NCAM1: variants seen among roughly 807,000 people sequenced by gnomAD.
NCAM1 encodes the protein antigen recognized by monoclonal antibody 5.1H11.
NCAM1 carries 14 observed loss-of-function variants against 109.8 expected under a neutral mutation model. That is an observed-to-expected ratio of 0.13 (90% CI 0.08 to 0.20). The LOEUF is 0.20. Ranked by LOEUF, NCAM1 falls within the 10% of genes least tolerant of loss-of-function variation. The probability of loss-of-function intolerance (pLI) is 1.00; values close to 1 mark genes in which losing one functional copy is unlikely to be tolerated. For synonymous variants in NCAM1, 418 were observed against 442.9 expected (o/e 0.94, Z 0.70); for missense variants, 774 against 1,109.9 (o/e 0.70, Z 4.30).
rs1205992112 is a variant in NCAM1, at chr11:113,141,802, G to A, written c.53-60577G>A. On this transcript the variant is annotated intron_variant, in intron 1 of 19. Transcript: ENST00000316851. The stretch of plus-strand genomic sequence containing the variant: ...CCCTGCTTTAGTGATCTCTCCTCTC[G>A]TATATCAGTTGTCTGCAATTTTTTT... 3.9e-5 allele frequency among the ~76,000 whole-genome samples: 6 copies of A among 152,020 alleles called. No homozygotes were observed. In the East Asian group the frequency reaches 1.2e-3, roughly 29 times the overall value.
rs1481210173 is a variant in NCAM1 at position 112,962,444 on chromosome 11, G to C, written c.52+780G>C. ...GTGATTGGGGCTGCCTGGTGTGTGC[G>C]CGCGCGTGTGCGCGCGTGTGTCTTT... On this transcript the variant is annotated intron_variant, in intron 1 of 19. Transcript: ENST00000316851. This position sits in a 1 kb window ranked among gnomAD's most constrained non-coding sequence, Gnocchi z 5.6. 6.6e-6 allele frequency among the ~76,000 whole-genome samples: 1 copy of C among 151,800 alleles called. No homozygotes were observed. Among genetic ancestry groups the C allele is most frequent in the Non-Finnish European group, 1.5e-5 (1 of 67,908 alleles).
At chr11:113,087,788 T>C (rs1341918925) in intron 1 of NCAM1, among the ~76,000 whole-genome samples, 1 of 152,194 alleles carries the variant, frequency 6.6e-6, no homozygotes, top group Non-Finnish European at 1.5e-5. Flanking sequence ...CTTTTGGCCT[T>C]TTCAGAGAAA....
chr11:113,185,068 T>TTATATATATA lies in NCAM1; in HGVS notation c.53-17308_53-17299dup, dbSNP rs148340673. ...TATGTGTATGTGTGTGCATTTATAT[T>TTATATATATA]TATATATATATAGAGAGAGAGAGAG... On this transcript the variant is annotated intron_variant, in intron 1 of 19. Coordinates refer to ENST00000316851, the MANE Select transcript of NCAM1 (RefSeq NM_181351.5). Among the ~76,000 whole-genome samples, 320 of 99,610 alleles carry TTATATATATA rather than the reference T, an allele frequency of 3.2e-3. 5 individuals carry two copies. Among genetic ancestry groups the TTATATATATA allele is most frequent in the African/African-American group, 0.012 (286 of 24,018 alleles). The allele number at this position is 99,610 out of a possible 152,430, so 65.3% of individuals were successfully genotyped here.
At chr11:113,059,172 G>A (rs1565411372) in intron 1 of NCAM1, among the ~76,000 whole-genome samples, 1 of 152,174 alleles carries the variant, frequency 6.6e-6, no homozygotes, top group South Asian at 2.1e-4. Context: ...GGCCTCGGTT[G>A]CTTTCTTAGT....
At chr11:112,991,643 A>C (rs1485183667) in intron 1 of NCAM1, among the ~76,000 whole-genome samples, 1 of 152,194 alleles carries the variant, frequency 6.6e-6, no homozygotes, top group Non-Finnish European at 1.5e-5. Flanking sequence ...ATAGCTACTC[A>C]TTGTTCTGGG....
At chr11:113,021,243 A>G (rs1321110336) in intron 1 of NCAM1, among the ~76,000 whole-genome samples, 1 of 152,208 alleles carries the variant, frequency 6.6e-6, no homozygotes, top group African/African-American at 2.4e-5. Context: ...CATCACTGCA[A>G]AGGATCATGA....
At chr11:113,238,557 C>T (rs1945239318) in intron 14 of NCAM1, among the ~76,000 whole-genome samples, 1 of 152,134 alleles carries the variant, frequency 6.6e-6, no homozygotes, top group Non-Finnish European at 1.5e-5. Context: ...ATGACAAACC[C>T]ACCCTTTTGC....
intron 1 of NCAM1, among the ~76,000 whole-genome samples, chr11:113,136,644 G>A (rs1304946528): frequency 6.6e-5 from 10 of 152,180 alleles, no homozygotes; most frequent in East Asian, 5.8e-4. Context: ...TCTTCTCTCC[G>A]TCTCAGTGAT....
chr11:113,250,988 A>G (rs1221044335), intron 15 of NCAM1, among the ~76,000 whole-genome samples: 1 of 152,004 alleles, frequency 6.6e-6, no homozygotes, highest in Non-Finnish European at 1.5e-5. Flanking sequence ...TTTAGTAGAG[A>G]TGGGGTTTCA....
chr11:113,221,855 A>G (rs1555115380), intron 9 of NCAM1: 1 of 154,314 alleles, frequency 6.5e-6, no homozygotes, highest in Non-Finnish European at 1.4e-5. Context: ...CCAAATTGCT[A>G]AACGTATCTC....
chr11:113,233,003 G>A lies in NCAM1; in HGVS notation c.1523-144G>A. On this transcript the variant is annotated intron_variant, in intron 12 of 19. Coordinates refer to ENST00000316851, the MANE Select transcript of NCAM1 (RefSeq NM_181351.5). This position sits in a 1 kb window ranked among gnomAD's most constrained non-coding sequence, Gnocchi z 4.5. ...GGGGCATGTTGGGGGAGAAGCATCT[G>A]GTGAGATGGGCCAGGAGGACAGGAT... The A allele has an allele frequency of 1.0e-6, 1 of 963,138 alleles. No individual in the cohort carries two copies. The highest frequency in any genetic ancestry group is 1.6e-6 in the Non-Finnish European group (1 of 644,642). The allele number at this position is 963,138 out of a possible 1,614,324, so 59.7% of individuals were successfully genotyped here.
At chr11:113,199,125 GTAT>G (rs1176104289) in intron 1 of NCAM1, among the ~76,000 whole-genome samples, 6 of 152,176 alleles carry the variant, frequency 3.9e-5, no homozygotes, top group Non-Finnish European at 4.4e-5. Flanking sequence ...AGATGATGCA[GTAT>G]TTACGCAAGG....
At chr11:113,106,344 T>C (rs1048221860) in intron 1 of NCAM1, among the ~76,000 whole-genome samples, 2 of 152,228 alleles carry the variant, frequency 1.3e-5, no homozygotes, top group African/African-American at 4.8e-5. Context: ...GTTCAAAATA[T>C]AGCCAACACA....
chr11:113,197,174 A>G, intron 1 of NCAM1: 1 of 256,188 alleles, frequency 3.9e-6, no homozygotes, highest in Non-Finnish European at 8.5e-6. Context: ...CCCGTGCTTG[A>G]CATGTGGGGA....
intron 7 of NCAM1, among the ~76,000 whole-genome samples, chr11:113,212,894 G>A (rs2137004684): frequency 6.6e-6 from 1 of 152,232 alleles, no homozygotes; most frequent in Non-Finnish European, 1.5e-5. Flanking sequence ...TCATTCATGT[G>A]GACTCCATCA....
chr11:113,227,563 T>G (rs1243723386), intron 9 of NCAM1, among the ~76,000 whole-genome samples: 1 of 152,202 alleles, frequency 6.6e-6, no homozygotes, highest in African/African-American at 2.4e-5. Context: ...AAAGAGGGAA[T>G]CTTCTCTAAC....
intron 1 of NCAM1, among the ~76,000 whole-genome samples, chr11:113,034,046 A>G (rs2135370292): frequency 6.6e-6 from 1 of 152,288 alleles, no homozygotes; most frequent in East Asian, 1.9e-4. Flanking sequence ...CCTGAGGTCC[A>G]TGCTAATTTA....
intron 1 of NCAM1, among the ~76,000 whole-genome samples, chr11:113,010,970 T>A (rs187778112): frequency 4.2e-4 from 64 of 152,214 alleles, no homozygotes; most frequent in African/African-American, 1.4e-3. Flanking sequence ...AGGATTTTTT[T>A]TTTAACTATA....
chr11:113,275,535 C>A lies in NCAM1; in HGVS notation c.*148C>A. On this transcript the variant is annotated 3_prime_UTR_variant, in exon 20 of 20. Transcript: ENST00000316851. ...ATCTCATTTCTCTAGTGTCTTTTGCCTTTAAAAAAAACTAAACAGATAAAA... is the reference window on the plus strand; with the variant it reads ...ATCTCATTTCTCTAGTGTCTTTTGCATTTAAAAAAAACTAAACAGATAAAA... 3.7e-6 allele frequency: 4 copies of A among 1,080,030 alleles called. No individual in the cohort carries two copies. Among genetic ancestry groups the A allele is most frequent in the Non-Finnish European group, 5.1e-6 (4 of 784,714 alleles). 66.9% of individuals were successfully genotyped at this position (1,080,030 alleles called of 1,614,324 possible).
Sources: gnomAD v4.1 joint callset for allele counts (sites outside exome capture counted in the v4.1 genomes callset) on GRCh38, gnomAD v4.1.1 for gene constraint, Gnocchi (gnomAD v3.1) non-coding constraint, MANE v1.5 for transcripts, NCBI Gene and HGNC (gene_info 2026-07-23, HGNC 2026-07-21) for gene names.